CD5L: variants seen among roughly 807,000 people sequenced by gnomAD.
CD5L encodes the protein CD5 molecule like, also known as CD5 antigen-like.
Under a neutral mutation model 40.8 loss-of-function variants are expected in CD5L, and 39 were observed. The ratio of observed to expected loss-of-function variants is 0.96; its 90% CI spans 0.74 to 1.25. The LOEUF is 1.25. CD5L is among the 50% of genes most tolerant of loss of function. The pLI, the probability that CD5L is intolerant of heterozygous loss-of-function variation, is 0.00. For missense variants in CD5L, 433 were observed against 435.9 expected (o/e 0.99, Z 0.06); for synonymous variants, 192 against 169.6 (o/e 1.13, Z -1.03).
intron 2 of CD5L, among the ~76,000 whole-genome samples, chr1:157,837,040 T>A (rs1187133227): frequency 6.6e-6 from 1 of 152,136 alleles, no homozygotes. Context: ...GTGAATTTCT[T>A]GAGGTCAAGA....
chr1:157,829,320 A>G (rs1655984459), downstream of CD5L, among the ~76,000 whole-genome samples: 1 of 152,240 alleles, frequency 6.6e-6, no homozygotes, highest in Non-Finnish European at 1.5e-5. Context: ...GACATTGAGA[A>G]TAATTGAAAG....
At position 157,836,134 on chromosome 1, in the gene CD5L, A is replaced by G; in HGVS notation, c.77T>C (p.Leu26Pro). The G allele has an allele frequency of 6.2e-7, 1 of 1,613,222 alleles. No individual in the cohort carries two copies. The highest frequency in any genetic ancestry group is 8.5e-7 in the Non-Finnish European group (1 of 1,179,560). ...TTCACAGCGGTGGAGGCCCCCCACC[A>G]GCCGCACTCCAGATGGAGACGCTGC... Reference protein sequence around the residue: ...GFLASPSGVRLVGGLHRCEGR... With the variant: ...GFLASPSGVRPVGGLHRCEGR... Residue 26 changes from leucine to proline, a missense_variant, in exon 3 of 6, where the codon CTG (leucine) becomes CCG (proline). Leu to Pro is a moderately conservative substitution (Grantham distance 98). Coordinates refer to ENST00000368174, the MANE Select transcript of CD5L (RefSeq NM_005894.3).
downstream of CD5L, chr1:157,830,842 A>G (rs932257507): frequency 4.6e-6 from 3 of 655,706 alleles, no homozygotes; most frequent in African/African-American, 5.9e-5. Context: ...CTGTTTAAGA[A>G]ACTGCCATAG....
rs55700960 is a variant in CD5L at position 157,837,771 on chromosome 1, ATTTT to A, written c.55+1609_55+1612del. On this transcript the variant is annotated intron_variant, in intron 2 of 5. Coordinates refer to ENST00000368174, the MANE Select transcript of CD5L (RefSeq NM_005894.3). ...TCAGTGAGAAAACTCTAATCTAGCT[ATTTT>A]TTTTTTTTTTTTTTTTTTGAGACAG... Among the ~76,000 whole-genome samples the A allele has an allele frequency of 5.0e-3, 556 of 111,640 alleles. 3 individuals are homozygous for A. Among genetic ancestry groups the A allele is most frequent in the African/African-American group, 0.016 (488 of 31,306 alleles). 73.2% of individuals were successfully genotyped at this position (111,640 alleles called of 152,430 possible). A position where few individuals can be genotyped will look rare whatever the true frequency, so the allele number is the denominator to read the frequency against.
chr1:157,835,800 G>A, intron 3 of CD5L, 35 bp downstream of exon 3: 1 of 1,550,078 alleles, frequency 6.5e-7, no homozygotes, highest in East Asian at 2.2e-5. Flanking sequence ...GGGTATGGCA[G>A]CTGGCAAGTG....
rs1206405961 is a variant in CD5L at position 157,841,801 on chromosome 1, A to G, written c.-100T>C. 2 of 987,288 alleles carry G rather than the reference A, an allele frequency of 2.0e-6. No individual in the cohort carries two copies. The highest frequency in any genetic ancestry group is 3.2e-6 in the Non-Finnish European group (2 of 631,596). 61.2% of individuals were successfully genotyped at this position (987,288 alleles called of 1,614,324 possible). ...AGCTGCAAGTATGTTAAGAGGAGGG[A>G]CAAAGACAGGTCCTGAGTGCAGGCA... On this transcript the variant is annotated 5_prime_UTR_variant, in exon 1 of 6. Coordinates refer to ENST00000368174, the MANE Select transcript of CD5L (RefSeq NM_005894.3).
intron 4 of CD5L, among the ~76,000 whole-genome samples, chr1:157,833,728 C>T (rs1656113901): frequency 6.6e-6 from 1 of 151,570 alleles, no homozygotes; most frequent in African/African-American, 2.4e-5. Context: ...ACCTCAGCCT[C>T]CCGAGTAGCT....
At position 157,831,782 on chromosome 1, in the gene CD5L, C is replaced by T; in HGVS notation, c.*182G>A. The T allele has an allele frequency of 7.6e-7, 1 of 1,310,826 alleles. No homozygotes were observed. The highest frequency in any genetic ancestry group is 9.8e-7 in the Non-Finnish European group (1 of 1,024,714). 81.2% of individuals were successfully genotyped at this position (1,310,826 alleles called of 1,614,324 possible). ...GAACTCAACAGCTCACATCTACAGG[C>T]AGCAATGGGGGCTGCTTGTCCCTGA... is the stretch of plus-strand genomic sequence containing the variant. On this transcript the variant is annotated 3_prime_UTR_variant, in exon 6 of 6. Transcript: ENST00000368174.
chr1:157,834,756 G>T lies in CD5L; in HGVS notation c.377-8C>A, dbSNP rs1346834578. ...AGAAAGAGCTCTCTGGGTCTGAGGGGAAAGAAAGAGAGCGTGTCTGTTCTC... is the reference window on the plus strand; with the variant it reads ...AGAAAGAGCTCTCTGGGTCTGAGGGTAAAGAAAGAGAGCGTGTCTGTTCTC... On this transcript the variant is annotated splice_polypyrimidine_tract_variant and splice_region_variant and intron_variant, in intron 3 of 5. Transcript: ENST00000368174. 6.2e-7 allele frequency: 1 copy of T among 1,605,142 alleles called. No individual in the cohort carries two copies. The highest frequency in any genetic ancestry group is 8.5e-7 in the Non-Finnish European group (1 of 1,172,488).
downstream of CD5L, among the ~76,000 whole-genome samples, chr1:157,829,913 G>T (rs1656002639): frequency 6.6e-6 from 1 of 152,140 alleles, no homozygotes; most frequent in Non-Finnish European, 1.5e-5. Context: ...TCTCATCTAT[G>T]TTCCCCTCTG....
intron 3 of CD5L, 108 bp from the exon 4 acceptor site, chr1:157,834,856 A>G: frequency 3.9e-6 from 3 of 774,088 alleles, no homozygotes; most frequent in East Asian, 5.3e-5. Context: ...AGTACAAGGC[A>G]TGCTAAAGTG....
chr1:157,836,140 A>C lies in CD5L; in HGVS notation c.71T>G (p.Val24Gly). ...GCGGTGGAGGCCCCCCACCAGCCGC[A>C]CTCCAGATGGAGACGCTGCAAAGAG... The part of the protein sequence containing the change: ...RPGFLASPSG[V>G]RLVGGLHRCE... Residue 24 changes from valine (V) to glycine (G), a missense_variant, in exon 3 of 6, where the codon GTG becomes GGG. Physicochemically the swap from Val to Gly is moderately radical, Grantham distance 109 (BLOSUM62 -3). Transcript: ENST00000368174. 2 of 1,612,474 alleles carry C rather than the reference A, an allele frequency of 1.2e-6. No individual in the cohort carries two copies. Among genetic ancestry groups the C allele is most frequent in the Non-Finnish European group, 1.7e-6 (2 of 1,179,196 alleles).
intron 2 of CD5L, among the ~76,000 whole-genome samples, chr1:157,837,719 G>C (rs1192204867): frequency 6.6e-6 from 1 of 151,176 alleles, no homozygotes; most frequent in Non-Finnish European, 1.5e-5. Context: ...AGTCCCCAGA[G>C]TTTAGAATCA....
Position 157,831,601 on chromosome 1 carries a change from C to A in CD5L, c.*363G>T, listed in dbSNP as rs1656049795. ...ATAGGACCTAGATTAGTAATGTTTGCAGACATAGACCTTAGTAATGGTCTG... is the reference window on the plus strand; with the variant it reads ...ATAGGACCTAGATTAGTAATGTTTGAAGACATAGACCTTAGTAATGGTCTG... On this transcript the variant is annotated 3_prime_UTR_variant, in exon 6 of 6. Transcript: ENST00000368174. The A allele has an allele frequency of 9.4e-7, 1 of 1,068,388 alleles. No homozygotes were observed. The highest frequency in any genetic ancestry group is 1.1e-6 in the Non-Finnish European group (1 of 884,402). 66.2% of individuals were successfully genotyped at this position (1,068,388 alleles called of 1,614,324 possible). A position where few individuals can be genotyped will look rare whatever the true frequency, so the allele number is the denominator to read the frequency against.
In CD5L at chr1:157,831,385, A is replaced by T. The variant is rs920797606; in HGVS notation, c.*579T>A. On this transcript the variant is annotated 3_prime_UTR_variant, in exon 6 of 6. Coordinates refer to ENST00000368174, the MANE Select transcript of CD5L (RefSeq NM_005894.3). ...GCTCCTGAAAGAATTGTCTACCTAC[A>T]CTAAGAAATAACAGAATAGGGAGGT... 24 of 984,958 alleles carry T rather than the reference A, an allele frequency of 2.4e-5. No homozygotes were observed. The highest frequency in any genetic ancestry group is 2.8e-5 in the Non-Finnish European group (23 of 829,814). The allele number at this position is 984,958 out of a possible 1,614,324, so 61.0% of individuals were successfully genotyped here.
downstream of CD5L, among the ~76,000 whole-genome samples, chr1:157,828,305 A>C (rs1340807902): frequency 2.6e-5 from 4 of 152,176 alleles, no homozygotes; most frequent in African/African-American, 9.7e-5. Flanking sequence ...CAGTCAATAC[A>C]TACCTCCTTC....
At chr1:157,836,878 T>C (rs1656232649) in intron 2 of CD5L, among the ~76,000 whole-genome samples, 1 of 152,104 alleles carries the variant, frequency 6.6e-6, no homozygotes, top group Non-Finnish European at 1.5e-5. Flanking sequence ...ACTAGAAGCA[T>C]AAGAGAGGAT....
chr1:157,838,345 T>A (rs1354550644), intron 2 of CD5L, among the ~76,000 whole-genome samples: 1 of 152,192 alleles, frequency 6.6e-6, no homozygotes, highest in Non-Finnish European at 1.5e-5. Flanking sequence ...CGTTTTTATC[T>A]TCATGAGTAG....
At chr1:157,840,915 T>C (rs1430595959) in intron 1 of CD5L, among the ~76,000 whole-genome samples, 1 of 152,132 alleles carries the variant, frequency 6.6e-6, no homozygotes, top group Non-Finnish European at 1.5e-5. Flanking sequence ...AAGTGTCCAG[T>C]TGAGAGGATT....
Sources: gnomAD v4.1 joint callset for allele counts (sites outside exome capture counted in the v4.1 genomes callset) on GRCh38, gnomAD v4.1.1 for gene constraint, MANE v1.5 for transcripts, NCBI Gene and HGNC (gene_info 2026-07-23, HGNC 2026-07-21) for gene names.